Variants in FGF14 observed in about 807,000 individuals in gnomAD.
FGF14 encodes fibroblast growth factor homologous factor 4.
FGF14 carries 5 observed loss-of-function variants against 25.5 expected under a neutral mutation model. The observed-to-expected ratio is 0.20, with a 90% CI of 0.10 to 0.41. The LOEUF is 0.41. Among genes scored for constraint, FGF14 ranks in the 10% least tolerant of loss-of-function variants. The probability of loss-of-function intolerance (pLI) is 1.00; values close to 1 mark genes in which losing one functional copy is unlikely to be tolerated. For missense variants in FGF14, 222 were observed against 320.1 expected, an observed-to-expected ratio of 0.69 and a Z score of 2.34; for synonymous variants, 138 against 118.3, an observed-to-expected ratio of 1.17 and a Z score of -1.08.
chr13:101,981,543 G>A (rs937367463), intron 1 of FGF14, among the ~76,000 whole-genome samples: 1 of 152,096 alleles, frequency 6.6e-6, no homozygotes, highest in Non-Finnish European at 1.5e-5. Flanking sequence ...AGTTAGGTGG[G>A]GCCTAACCAA....
intron 1 of FGF14, among the ~76,000 whole-genome samples, chr13:102,033,280 C>T (rs1159647735): frequency 6.6e-6 from 1 of 151,948 alleles, no homozygotes; most frequent in Non-Finnish European, 1.5e-5. Context: ...AGCCATATAC[C>T]AGTATACAAA....
Position 101,960,645 on chromosome 13 carries a change from A to G in FGF14, c.209-85349T>C, listed in dbSNP as rs528057306. On this transcript the variant is annotated intron_variant, in intron 1 of 4. Coordinates refer to the FGF14 transcript ENST00000376131. ...CTTTGCTATTGTGAATAGGGCTGCA[A>G]TGAACATACACGTATATATATCTTT... Among the ~76,000 whole-genome samples, 15 of 152,278 alleles carry G rather than the reference A, an allele frequency of 9.9e-5. 1 individual carries two copies. Among genetic ancestry groups the G allele is most frequent in the South Asian group, 2.1e-4 (1 of 4,826 alleles).
rs182415153 is a variant in FGF14, at chr13:101,942,631, G to A, written c.209-67335C>T. On this transcript the variant is annotated intron_variant, in intron 1 of 4. Transcript: ENST00000376131. ...AAAAGCAGTGGTCCGCATCAGTTCT[G>A]GCTTCCTAGGAACTAGTTCTGCAAT... Among the ~76,000 whole-genome samples, 408 of 152,198 alleles carry A rather than the reference G, an allele frequency of 2.7e-3. 1 individual carries two copies. Among genetic ancestry groups the A allele is most frequent in the Non-Finnish European group, 2.4e-3 (166 of 68,012 alleles).
At chr13:101,945,551 C>A (rs999805941) in intron 1 of FGF14, among the ~76,000 whole-genome samples, 1 of 152,158 alleles carries the variant, frequency 6.6e-6, no homozygotes, top group Non-Finnish European at 1.5e-5. Context: ...GAGGCTGAAC[C>A]TCTGGGCCTG....
intron 1 of FGF14, among the ~76,000 whole-genome samples, chr13:102,012,001 G>A (rs533512114): frequency 2.4e-4 from 36 of 152,274 alleles, no homozygotes; most frequent in African/African-American, 7.9e-4. Context: ...ACCCAAATAT[G>A]TTTGTTTGTT....
intron 1 of FGF14, among the ~76,000 whole-genome samples, chr13:101,984,061 T>C (rs1391723215): frequency 6.6e-6 from 1 of 152,172 alleles, no homozygotes; most frequent in African/African-American, 2.4e-5. Flanking sequence ...CTTTCAGCCT[T>C]CCCATTCATA....
chr13:101,770,713 G>T (rs1244761425), intron 3 of FGF14, among the ~76,000 whole-genome samples: 1 of 152,050 alleles, frequency 6.6e-6, no homozygotes, highest in East Asian at 1.9e-4. Flanking sequence ...AAATGGGTTA[G>T]CATAATAGTA....
chr13:102,358,943 GA>G (rs1245379343), intron 1 of FGF14, among the ~76,000 whole-genome samples: 2 of 152,242 alleles, frequency 1.3e-5, no homozygotes, highest in East Asian at 3.9e-4. Flanking sequence ...TGATAAACTG[GA>G]TAAAGAAAAT....
chr13:101,990,391 G>T (rs935333391), intron 1 of FGF14, among the ~76,000 whole-genome samples: 4 of 152,034 alleles, frequency 2.6e-5, no homozygotes, highest in African/African-American at 9.7e-5. Flanking sequence ...TTAAGAAAGG[G>T]CATGATTTTT....
intron 1 of FGF14, among the ~76,000 whole-genome samples, chr13:102,163,937 A>C (rs957980245): frequency 6.6e-6 from 1 of 152,136 alleles, no homozygotes; most frequent in African/African-American, 2.4e-5. Flanking sequence ...GAAATAGTGA[A>C]AACCTAACTT....
intron 1 of FGF14, among the ~76,000 whole-genome samples, chr13:101,980,698 A>C (rs2038196776): frequency 6.6e-6 from 1 of 152,220 alleles, no homozygotes; most frequent in African/African-American, 2.4e-5. Context: ...AGTGCCAACA[A>C]GCCATCAGGG....
chr13:102,068,783 G>A lies in FGF14; in HGVS notation c.209-193487C>T, dbSNP rs566040332. 1.5e-4 allele frequency among the ~76,000 whole-genome samples: 23 copies of A among 152,286 alleles called. No homozygotes were observed. In the East Asian group the frequency reaches 3.1e-3, roughly 20 times the overall value. ...CACTCCATGGGCTCCTGTGCGGCCC[G>A]AGCCTCCCCGACGAGCACCACCCCC... On this transcript the variant is annotated intron_variant, in intron 1 of 4. Coordinates refer to the FGF14 transcript ENST00000376131.
At chr13:102,017,601 T>C (rs2040415480) in intron 1 of FGF14, among the ~76,000 whole-genome samples, 1 of 152,152 alleles carries the variant, frequency 6.6e-6, no homozygotes, top group African/African-American at 2.4e-5. Flanking sequence ...TCAGTCTCTT[T>C]TCATCAATCT....
intron 3 of FGF14, among the ~76,000 whole-genome samples, chr13:101,761,149 A>C (rs1474638984): frequency 6.6e-6 from 1 of 152,242 alleles, no homozygotes; most frequent in African/African-American, 2.4e-5. Flanking sequence ...ATAGTAAAAC[A>C]ACAAAATAAT....
At chr13:102,274,684 CCACACATA>C (rs1376805356) in intron 1 of FGF14, among the ~76,000 whole-genome samples, 3 of 151,852 alleles carry the variant, frequency 2.0e-5, no homozygotes, top group Non-Finnish European at 4.4e-5. Flanking sequence ...GGGTTCAAAC[CCACACATA>C]CACACATACA....
At chr13:102,249,534 T>C (rs1369838237) in intron 1 of FGF14, among the ~76,000 whole-genome samples, 1 of 147,208 alleles carries the variant, frequency 6.8e-6, no homozygotes, top group East Asian at 2.1e-4. Context: ...AGAATTATGG[T>C]ATGGTACTGA....
intron 1 of FGF14, among the ~76,000 whole-genome samples, chr13:101,914,145 TAAG>T (rs1210790618): frequency 6.6e-6 from 1 of 151,658 alleles, no homozygotes; most frequent in African/African-American, 2.4e-5. Flanking sequence ...GAGTGTGTAA[TAAG>T]AAGGTAAATA....
chr13:102,154,414 C>T (rs2047226163), intron 1 of FGF14, among the ~76,000 whole-genome samples: 1 of 151,562 alleles, frequency 6.6e-6, no homozygotes, highest in Admixed American at 6.6e-5. Context: ...TCCAGCCAAA[C>T]TAAGCTTCAT....
chr13:102,015,156 C>T (rs2040273159), intron 1 of FGF14, among the ~76,000 whole-genome samples: 1 of 152,166 alleles, frequency 6.6e-6, no homozygotes, highest in South Asian at 2.1e-4. Flanking sequence ...GATCCACCTG[C>T]CTCAGTCTCC....
Sources: allele counts gnomAD v4.1 joint callset (sites outside exome capture counted in the v4.1 genomes callset), GRCh38; gene constraint gnomAD v4.1.1; transcripts MANE v1.5; gene names NCBI Gene and HGNC (gene_info 2026-07-23, HGNC 2026-07-21).